WIZ: variants seen among roughly 807,000 people sequenced by gnomAD.
The protein encoded by WIZ is WIZ zinc finger.
Under a neutral mutation model 140.2 loss-of-function variants are expected in WIZ, and 25 were observed. The ratio of observed to expected loss-of-function variants is 0.18; its 90% CI spans 0.13 to 0.25. The LOEUF is 0.25. WIZ is among the 10% of genes least tolerant of loss of function. WIZ has a pLI of 1.00. For synonymous variants in WIZ, 1,125 were observed against 1,154.3 expected, an observed-to-expected ratio of 0.97 and a Z score of 0.51; for missense variants, 2,231 against 2,632.6, an observed-to-expected ratio of 0.85 and a Z score of 3.34.
At chr19:15,436,487 T>G in intron 5 of WIZ, 1 of 282,790 alleles carries the variant, frequency 3.5e-6, no homozygotes, top group South Asian at 7.3e-5. Flanking sequence ...GTTGTGAGGA[T>G]GTAAATGAGT....
At chr19:15,435,343 C>T (rs1169378307) in intron 5 of WIZ, among the ~76,000 whole-genome samples, 1 of 152,056 alleles carries the variant, frequency 6.6e-6, no homozygotes, top group Non-Finnish European at 1.5e-5. Flanking sequence ...ATGGCTCAGG[C>T]CTCTAAATCC....
At position 15,427,500 on chromosome 19, in the gene WIZ, C is replaced by G; in HGVS notation, c.3848G>C (p.Cys1283Ser). ...CTCGAAGAACTCACCACAGAACTCG[C>G]AGCGGATGTCTCGTGCTGGCTCTGG... Reference protein sequence around the residue: ...SGPEPARDIRCEFCGEFFENR... With the variant: ...SGPEPARDIRSEFCGEFFENR... The change falls in exon 9 of 13, where the codon TGC (cysteine) becomes TCC (serine). Residue 1283 changes from cysteine (C) to serine (S), a missense_variant. This residue lies in a region of WIZ where 141 missense variants were observed against 161.2 expected (regional missense o/e 0.87). Coordinates refer to ENST00000673675, the MANE Select transcript of WIZ (RefSeq NM_001371589.1). This position sits in a 1 kb window ranked among gnomAD's most constrained non-coding sequence, Gnocchi z 6.4. 6.2e-7 allele frequency: 1 copy of G among 1,611,184 alleles called. No homozygotes were observed. The highest frequency in any genetic ancestry group is 8.5e-7 in the Non-Finnish European group (1 of 1,178,260).
rs919191051 is a variant in WIZ at position 15,422,777 on chromosome 19, T to C, written c.*299A>G. On this transcript the variant is annotated 3_prime_UTR_variant, in exon 13 of 13. Coordinates refer to ENST00000673675, the MANE Select transcript of WIZ (RefSeq NM_001371589.1). ...GCCTGGCTGCTAGACGGGGGAGTGC[T>C]GTCCTCCCCTGTGACCAGACCGGCT... 4 of 458,020 alleles carry C rather than the reference T, an allele frequency of 8.7e-6. No individual in the cohort carries two copies. The highest frequency in any genetic ancestry group is 2.0e-5 in the African/African-American group (1 of 50,612). 28.4% of individuals were successfully genotyped at this position (458,020 alleles called of 1,614,324 possible).
Position 15,429,830 on chromosome 19 carries a change from G to A in WIZ, c.3171C>T (p.Ser1057=). ...CAGGGGCATCCAAGGGCTTGGCCAGGCTGAGCAAGCCGGGCCGGGGGGCCC... is the reference window on the plus strand; with the variant it reads ...CAGGGGCATCCAAGGGCTTGGCCAGACTGAGCAAGCCGGGCCGGGGGGCCC... ...VAGAPRPGLL[S]LAKPLDAPAV... Residue 1057 remains serine (S), a synonymous_variant, in exon 7 of 13, where the codon AGC becomes AGT. Transcript: ENST00000673675. 2 of 1,529,188 alleles carry A rather than the reference G, an allele frequency of 1.3e-6. No homozygotes were observed. Among genetic ancestry groups the A allele is most frequent in the Non-Finnish European group, 1.8e-6 (2 of 1,142,252 alleles). The allele number at this position is 1,529,188 out of a possible 1,614,324, so 94.7% of individuals were successfully genotyped here.
At chr19:15,431,242 T>G (rs896373349) in intron 5 of WIZ, 60 bp from the exon 6 acceptor site, 4 of 1,431,570 alleles carry the variant, frequency 2.8e-6, no homozygotes, top group East Asian at 2.6e-5. Context: ...TACCCAGAAC[T>G]AAGAAGATGG....
At chr19:15,430,680 A>T (rs1969171933) in intron 6 of WIZ, among the ~76,000 whole-genome samples, 1 of 152,192 alleles carries the variant, frequency 6.6e-6, no homozygotes, top group Admixed American at 6.5e-5. Flanking sequence ...GGATCAACAG[A>T]CGAAGAAATG....
In WIZ at chr19:15,427,627, C is replaced by T. The variant is rs1968930069; in HGVS notation, c.3815-94G>A. 2 of 1,358,994 alleles carry T rather than the reference C, an allele frequency of 1.5e-6. No homozygotes were observed. Among genetic ancestry groups the T allele is most frequent in the Non-Finnish European group, 2.0e-6 (2 of 1,011,424 alleles). 84.2% of individuals were successfully genotyped at this position (1,358,994 alleles called of 1,614,324 possible). A position where few individuals can be genotyped will look rare whatever the true frequency, so the allele number is the denominator to read the frequency against. On this transcript the variant is annotated intron_variant, in intron 8 of 12. Transcript: ENST00000673675. The surrounding 1 kb of genome is among the most constrained non-coding windows in gnomAD (Gnocchi z 6.4). ...CTGGTCGGCTGGGCGTGGGCGGCAG[C>T]AGCACGCCCACAGGTTAGGGTGGTG...
intron 5 of WIZ, among the ~76,000 whole-genome samples, chr19:15,435,083 G>A (rs1471511830): frequency 6.6e-6 from 1 of 152,124 alleles, no homozygotes; most frequent in Non-Finnish European, 1.5e-5. Context: ...GCCAGGTGTG[G>A]TGGCACGCCC....
chr19:15,428,491 C>T lies in WIZ; in HGVS notation c.3433G>A (p.Gly1145Ser). The change falls in exon 8 of 13, where the codon GGC (glycine) becomes AGC (serine). Residue 1145 changes from glycine to serine, a missense_variant. Gly to Ser is a moderately conservative substitution (Grantham distance 56). Coordinates refer to ENST00000673675, the MANE Select transcript of WIZ (RefSeq NM_001371589.1). The surrounding 1 kb of genome is among the most constrained non-coding windows in gnomAD (Gnocchi z 6.4). The stretch of plus-strand genomic sequence containing the variant: ...CACAGCTGGCAGTCCAGCTCTCTGC[C>T]CCCGTCACTATCTAAAGCTGCGGAG... Reference protein sequence around the residue: ...PLNLTLDSDGGRELDCQLCGA... With the variant: ...PLNLTLDSDGSRELDCQLCGA... 6.5e-7 allele frequency: 1 copy of T among 1,535,582 alleles called. No individual in the cohort carries two copies. The highest frequency in any genetic ancestry group is 8.7e-7 in the Non-Finnish European group (1 of 1,146,824).
chr19:15,442,889 C>T lies in WIZ; in HGVS notation c.206-141G>A, dbSNP rs1969793409. ...CCTCTCCCTGAGAGGCCCGTGGCCT[C>T]TGTGGTCCTGAGCCCTGAAAGGGGT... On this transcript the variant is annotated intron_variant, in intron 2 of 12. Transcript: ENST00000673675. This position sits in a 1 kb window ranked among gnomAD's most constrained non-coding sequence, Gnocchi z 5.5. The T allele has an allele frequency of 9.1e-6, 4 of 438,608 alleles. No individual in the cohort carries two copies. The highest frequency in any genetic ancestry group is 1.5e-5 in the Non-Finnish European group (4 of 263,716). 27.2% of individuals were successfully genotyped at this position (438,608 alleles called of 1,614,324 possible). A position where few individuals can be genotyped will look rare whatever the true frequency, so the allele number is the denominator to read the frequency against.
chr19:15,425,329 G>T lies in WIZ; in HGVS notation c.4806C>A (p.Leu1602=). 1 of 1,571,300 alleles carries T rather than the reference G, an allele frequency of 6.4e-7. No individual in the cohort carries two copies. Among genetic ancestry groups the T allele is most frequent in the Non-Finnish European group, 8.6e-7 (1 of 1,158,710 alleles). ...AAKRPLQEDR[L]LPAEVKAKTY... ...TCTTGGCCTTGACCTCTGCTGGGAGGAGGCGGTCCTCCTGCAGGGGCCGCT... is the reference window on the plus strand; with the variant it reads ...TCTTGGCCTTGACCTCTGCTGGGAGTAGGCGGTCCTCCTGCAGGGGCCGCT... The change falls in exon 10 of 13, where the codon CTC becomes CTA. Residue 1602 remains leucine (L), a synonymous_variant. Transcript: ENST00000673675.
rs1218845376 is a variant in WIZ at position 15,439,011 on chromosome 19, G to A, written c.1983C>T (p.Phe661=). The A allele has an allele frequency of 6.7e-6, 10 of 1,492,912 alleles. No homozygotes were observed. Among genetic ancestry groups the A allele is most frequent in the Admixed American group, 6.7e-5 (3 of 44,830 alleles). The allele number at this position is 1,492,912 out of a possible 1,614,324, so 92.5% of individuals were successfully genotyped here. Residue 661 remains phenylalanine, a synonymous_variant, in exon 4 of 13, where the codon TTC becomes TTT. Coordinates refer to ENST00000673675, the MANE Select transcript of WIZ (RefSeq NM_001371589.1). The surrounding 1 kb of genome is among the most constrained non-coding windows in gnomAD (Gnocchi z 7.0). ...PQAALELKQA[F]REALQAVEAT... Reference sequence around the variant, plus strand: ...CCTCTACTGCCTGCAGGGCCTCTCGGAATGCCTGCTTCAGCTCCAGGGCCG... The same window carrying A: ...CCTCTACTGCCTGCAGGGCCTCTCGAAATGCCTGCTTCAGCTCCAGGGCCG...
At position 15,424,234 on chromosome 19, in the gene WIZ, G is replaced by T. The variant is rs745605245; in HGVS notation, c.5459C>A (p.Pro1820His). 1 of 1,582,406 alleles carries T rather than the reference G, an allele frequency of 6.3e-7. No individual in the cohort carries two copies. Among genetic ancestry groups the T allele is most frequent in the Non-Finnish European group, 8.6e-7 (1 of 1,167,356 alleles). The part of the protein sequence containing the change: ...RPVPSLVPRP[P>H]QTSLVKFVGN... The stretch of plus-strand genomic sequence containing the variant: ...CACGAACTTGACAAGTGATGTCTGG[G>T]GGGGCCGGGGCACCAGGGAGGGGAC... Residue 1820 changes from proline (P) to histidine (H), a missense_variant, in exon 12 of 13, where the codon CCC becomes CAC. By Grantham distance (77) the Pro-to-His change is moderately conservative (BLOSUM62 -2). Transcript: ENST00000673675. This position sits in a 1 kb window ranked among gnomAD's most constrained non-coding sequence, Gnocchi z 9.7.
In WIZ at chr19:15,428,055, C is replaced by G. The variant is rs921490462; in HGVS notation, c.3814+55G>C. 3.1e-5 allele frequency: 47 copies of G among 1,511,196 alleles called. No homozygotes were observed. Among genetic ancestry groups the G allele is most frequent in the Non-Finnish European group, 3.6e-5 (41 of 1,137,178 alleles). The allele number at this position is 1,511,196 out of a possible 1,614,324, so 93.6% of individuals were successfully genotyped here. On this transcript the variant is annotated intron_variant, in intron 8 of 12. Transcript: ENST00000673675. This position sits in a 1 kb window ranked among gnomAD's most constrained non-coding sequence, Gnocchi z 6.4. Reference sequence around the variant, plus strand: ...AGGGAGGGGGCTGTGACCCCCCCCCCGGGAGGGGCTCCAGGGCCCGCAGTG... The same window carrying G: ...AGGGAGGGGGCTGTGACCCCCCCCCGGGGAGGGGCTCCAGGGCCCGCAGTG...
chr19:15,423,352 G>A, intron 12 of WIZ, 117 bp from the exon 13 acceptor site: 1 of 1,294,796 alleles, frequency 7.7e-7, no homozygotes, highest in Non-Finnish European at 1.0e-6. Context: ...AGCCAGCCCA[G>A]GAGGCGGGGG....
Position 15,424,013 on chromosome 19 carries a change from C to T in WIZ, c.5510+170G>A, listed in dbSNP as rs187395124. 9 of 564,306 alleles carry T rather than the reference C, an allele frequency of 1.6e-5. No homozygotes were observed. Among genetic ancestry groups the T allele is most frequent in the African/African-American group, 5.9e-5 (3 of 50,640 alleles). 35.0% of individuals were successfully genotyped at this position (564,306 alleles called of 1,614,324 possible). On this transcript the variant is annotated intron_variant, in intron 12 of 12. Transcript: ENST00000673675. The surrounding 1 kb of genome is among the most constrained non-coding windows in gnomAD (Gnocchi z 9.7). ...AGAGTTGGGATTTGAACCCAGGTCT[C>T]GCAGGCTACAAAGCTCAGGGTGTCA... is the stretch of plus-strand genomic sequence containing the variant.
chr19:15,437,276 C>T (rs959126597), intron 4 of WIZ, 147 bp from the exon 5 acceptor site: 93 of 741,916 alleles, frequency 1.3e-4, no homozygotes, highest in South Asian at 6.4e-4. Flanking sequence ...GCTCTCAGCT[C>T]GTGCATCCTC....
rs776945750 is a variant in WIZ at position 15,429,710 on chromosome 19, G to A, written c.3291C>T (p.Ala1097=). ...SSPLLKKTPL[A]LAGSPTPKNP... ...TCTTAGGGGTAGGGGAGCCCGCCAG[G>A]GCCAGTGGTGTCTTTTTGAGGAGTG... Residue 1097 remains alanine (A), a synonymous_variant, in exon 7 of 13, where the codon GCC becomes GCT. Transcript: ENST00000673675. 5.5e-5 allele frequency: 80 copies of A among 1,452,406 alleles called. No homozygotes were observed. The Admixed American group carries it at 9.3e-4, about 17-fold the overall frequency. 90.0% of individuals were successfully genotyped at this position (1,452,406 alleles called of 1,614,324 possible).
chr19:15,440,841 G>A lies in WIZ; in HGVS notation c.279-126C>T, dbSNP rs569828101. 3.3e-6 allele frequency: 3 copies of A among 922,532 alleles called. No homozygotes were observed. Among genetic ancestry groups the A allele is most frequent in the Non-Finnish European group, 4.7e-6 (3 of 634,884 alleles). 57.1% of individuals were successfully genotyped at this position (922,532 alleles called of 1,614,324 possible). A position where few individuals can be genotyped will look rare whatever the true frequency, so the allele number is the denominator to read the frequency against. ...GAGATCCAGCCCGAGGGTGACAGGG[G>A]TGTGGGGGTGAGGGTGGGAGGTAGG... On this transcript the variant is annotated intron_variant, in intron 3 of 12. Transcript: ENST00000673675. This position sits in a 1 kb window ranked among gnomAD's most constrained non-coding sequence, Gnocchi z 6.2.
Sources: gnomAD v4.1 joint callset for allele counts (sites outside exome capture counted in the v4.1 genomes callset) on GRCh38, gnomAD v4.1.1 for gene constraint, gnomAD v4.1.1 regional missense constraint, Gnocchi (gnomAD v3.1) non-coding constraint, MANE v1.5 for transcripts, NCBI Gene and HGNC (gene_info 2026-07-23, HGNC 2026-07-21) for gene names.